RAD51B: variants seen among roughly 807,000 people sequenced by gnomAD.
RAD51B encodes the protein RAD51 paralog B.
In RAD51B, 38 loss-of-function variants were observed where a neutral mutation model predicts 42.2. The ratio of observed to expected loss-of-function variants is 0.90; its 90% CI spans 0.70 to 1.18. The LOEUF (loss-of-function observed/expected upper bound fraction) is 1.18. Among genes scored for constraint, RAD51B ranks in the 50% most tolerant of loss-of-function variants. The probability of loss-of-function intolerance (pLI) is 0.00; values close to 1 mark genes in which losing one functional copy is unlikely to be tolerated. For missense variants in RAD51B, 373 were observed against 400.7 expected, an observed-to-expected ratio of 0.93 and a Z score of 0.59; for synonymous variants, 154 against 145.2, an observed-to-expected ratio of 1.06 and a Z score of -0.43.
At chr14:68,587,144 A>C (rs1302112172) in intron 10 of RAD51B, among the ~76,000 whole-genome samples, 1 of 152,200 alleles carries the variant, frequency 6.6e-6, no homozygotes, top group Non-Finnish European at 1.5e-5. Flanking sequence ...GGCCCTCAGC[A>C]GTGTCTTCAA....
chr14:68,426,491 G>A (rs192851795), intron 9 of RAD51B, among the ~76,000 whole-genome samples: 288 of 152,262 alleles, frequency 1.9e-3, no homozygotes, highest in African/African-American at 6.7e-3. Context: ...TTGCATCCAC[G>A]CCTTGAGGTC....
chr14:68,367,620 C>T (rs1445267015), intron 8 of RAD51B, among the ~76,000 whole-genome samples: 17 of 152,096 alleles, frequency 1.1e-4, no homozygotes, highest in Admixed American at 1.0e-3. Context: ...GAGGAGATAA[C>T]GAGAGATGAG....
chr14:67,843,448 C>T (rs1294452035), intron 4 of RAD51B: 1 of 152,130 alleles, frequency 6.6e-6, no homozygotes, highest in Non-Finnish European at 1.5e-5. Flanking sequence ...CTTCTTTGTA[C>T]ATCTGGTAGA....
At chr14:67,933,336 A>C (rs2044809961) in intron 7 of RAD51B, among the ~76,000 whole-genome samples, 1 of 152,128 alleles carries the variant, frequency 6.6e-6, no homozygotes, top group Non-Finnish European at 1.5e-5. Flanking sequence ...GAGATCCCAG[A>C]ATGTGGAGAT....
At chr14:68,548,553 A>G (rs1483505735) in intron 10 of RAD51B, among the ~76,000 whole-genome samples, 1 of 152,190 alleles carries the variant, frequency 6.6e-6, no homozygotes, top group African/African-American at 2.4e-5. Context: ...CCTCTTCTCC[A>G]AGCTGTGCCC....
intron 5 of RAD51B, among the ~76,000 whole-genome samples, chr14:67,870,202 A>G (rs1449313859): frequency 1.3e-5 from 2 of 151,772 alleles, no homozygotes; most frequent in Non-Finnish European, 2.9e-5. Flanking sequence ...TCTCACGTGC[A>G]GAGACACACA....
intron 7 of RAD51B, among the ~76,000 whole-genome samples, chr14:68,260,318 T>TGTGTGGG (rs1049368684): frequency 7.8e-6 from 1 of 128,044 alleles, no homozygotes; most frequent in African/African-American, 4.9e-5. Context: ...TGTGTGTGTG[T>TGTGTGGG]GGAGAGGGGA....
intron 7 of RAD51B, among the ~76,000 whole-genome samples, chr14:68,189,418 G>A (rs1312109805): frequency 1.3e-5 from 2 of 152,012 alleles, no homozygotes; most frequent in African/African-American, 4.8e-5. Flanking sequence ...TTTGTTTACT[G>A]TCTTGCTACT....
intron 10 of RAD51B, chr14:68,545,767 T>A: frequency 2.6e-6 from 1 of 385,948 alleles, no homozygotes; most frequent in Admixed American, 2.9e-5. Flanking sequence ...GGACATGGAA[T>A]ATAGAGTAGG....
intron 7 of RAD51B, among the ~76,000 whole-genome samples, chr14:67,903,349 T>C (rs920924579): frequency 6.6e-6 from 1 of 152,198 alleles, no homozygotes; most frequent in African/African-American, 2.4e-5. Flanking sequence ...GACCTAGAAC[T>C]TCTTTCTGAA....
intron 7 of RAD51B, among the ~76,000 whole-genome samples, chr14:68,075,166 G>A (rs1297215169): frequency 2.0e-5 from 3 of 152,094 alleles, no homozygotes; most frequent in Admixed American, 2.0e-4. Context: ...TGGGGTGGGT[G>A]CCTTGTAGGC....
chr14:68,347,254 T>C (rs1259257244), intron 8 of RAD51B, among the ~76,000 whole-genome samples: 1 of 152,226 alleles, frequency 6.6e-6, no homozygotes. Flanking sequence ...TAAATGCATA[T>C]TTACCTATGC....
intron 7 of RAD51B, among the ~76,000 whole-genome samples, chr14:68,017,786 C>T (rs1243731965): frequency 6.6e-6 from 1 of 151,906 alleles, no homozygotes; most frequent in East Asian, 1.9e-4. Context: ...TCCTGGCCAA[C>T]TTGGTGAAAC....
chr14:68,197,997 T>TTA (rs1343517182), intron 7 of RAD51B, among the ~76,000 whole-genome samples: 1 of 152,192 alleles, frequency 6.6e-6, no homozygotes, highest in Non-Finnish European at 1.5e-5. Context: ...TTAGTTCTTT[T>TTA]TATAGCCTTT....
At chr14:68,122,960 AACACACACAC>A (rs145099242) in intron 7 of RAD51B, among the ~76,000 whole-genome samples, 1 of 150,034 alleles carries the variant, frequency 6.7e-6, no homozygotes, top group African/African-American at 2.4e-5. Flanking sequence ...GTATAAAACA[AACACACACAC>A]ACACACACAC....
chr14:67,986,011 TTGTGTG>T (rs10568389), intron 7 of RAD51B, among the ~76,000 whole-genome samples: 1 of 150,762 alleles, frequency 6.6e-6, no homozygotes, highest in Non-Finnish European at 1.5e-5. Context: ...GTACCTTGAT[TTGTGTG>T]TGTGTGTGTG....
At chr14:68,098,210 TTGAC>T (rs1372849188) in intron 7 of RAD51B, among the ~76,000 whole-genome samples, 1 of 152,244 alleles carries the variant, frequency 6.6e-6, no homozygotes, top group Non-Finnish European at 1.5e-5. Flanking sequence ...TATTGGCTGT[TTGAC>T]TGAATATAGA....
intron 8 of RAD51B, among the ~76,000 whole-genome samples, chr14:68,390,409 T>A (rs999900944): frequency 6.6e-6 from 1 of 152,266 alleles, no homozygotes; most frequent in Non-Finnish European, 1.5e-5. Context: ...TAGGATTGTA[T>A]CTATTGGCAT....
At chr14:68,365,495 C>T (rs1357429732) in intron 8 of RAD51B, among the ~76,000 whole-genome samples, 3 of 152,228 alleles carry the variant, frequency 2.0e-5, no homozygotes, top group Non-Finnish European at 1.5e-5. Context: ...CTAGATATTT[C>T]ATCTGGAGAA....
Sources: allele counts gnomAD v4.1 joint callset (sites outside exome capture counted in the v4.1 genomes callset), GRCh38; gene constraint gnomAD v4.1.1; transcripts MANE v1.5; gene names NCBI Gene and HGNC (gene_info 2026-07-23, HGNC 2026-07-21).